Variants in ALG1 observed in about 807,000 individuals in gnomAD.
ALG1 encodes the protein ALG1 chitobiosyldiphosphodolichol beta-mannosyltransferase, also known as chitobiosyldiphosphodolichol beta-mannosyltransferase.
In ALG1, 58 loss-of-function variants were observed where a neutral mutation model predicts 55.1. The ratio of observed to expected loss-of-function variants is 1.05; its 90% confidence interval spans 0.85 to 1.31. The LOEUF (loss-of-function observed/expected upper bound fraction) is 1.31. ALG1 is among the 50% of genes most tolerant of loss of function. The pLI is 0.00. For synonymous variants in ALG1, 309 were observed against 247.0 expected (o/e 1.25, Z -2.35); for missense variants, 761 against 598.6 (o/e 1.27, Z -2.83).
chr16:5,075,554 G>A lies in ALG1; in HGVS notation c.539+18G>A. ...GCCAAGTGGTGAGAGTCTAGGAAGAGGGTAAAATACCGTCCCCTAAACCAC... is the reference window on the plus strand; with the variant it reads ...GCCAAGTGGTGAGAGTCTAGGAAGAAGGTAAAATACCGTCCCCTAAACCAC... On this transcript the variant is annotated intron_variant, in intron 4 of 12. Coordinates refer to ENST00000262374, the MANE Select transcript of ALG1 (RefSeq NM_019109.5). 1.9e-6 allele frequency: 3 copies of A among 1,613,724 alleles called. No individual in the cohort carries two copies. The highest frequency in any genetic ancestry group is 2.5e-6 in the Non-Finnish European group (3 of 1,180,022).
At chr16:5,080,073 CTTTTTTTTT>C (rs34927441) in intron 9 of ALG1, among the ~76,000 whole-genome samples, 1 of 134,608 alleles carries the variant, frequency 7.4e-6, no homozygotes, top group Non-Finnish European at 1.6e-5. Flanking sequence ...TCATTGGTGT[CTTTTTTTTT>C]TTTTTTTGAG....
At chr16:5,081,265 G>A (rs559251792) in intron 10 of ALG1, among the ~76,000 whole-genome samples, 2 of 152,314 alleles carry the variant, frequency 1.3e-5, no homozygotes, top group South Asian at 2.1e-4. Flanking sequence ...AGGAGGCCAC[G>A]TCCTTTCAGC....
chr16:5,079,569 A>G (rs1956980669), intron 8 of ALG1, among the ~76,000 whole-genome samples, 179 bp from the exon 9 acceptor site: 1 of 152,062 alleles, frequency 6.6e-6, no homozygotes, highest in Non-Finnish European at 1.5e-5. Flanking sequence ...GGCGCCTGTC[A>G]TCCCAGCTAC....
intron 11 of ALG1, among the ~76,000 whole-genome samples, 165 bp from the exon 12 acceptor site, chr16:5,083,517 A>G (rs1256555371): frequency 3.3e-5 from 5 of 151,886 alleles, no homozygotes; most frequent in Non-Finnish European, 7.4e-5. Context: ...AGGCCTTTAT[A>G]CCCTTCAGAT....
rs1469384542 is a variant in ALG1 at position 5,085,292 on chromosome 16, G to A, written c.*411G>A. On this transcript the variant is annotated 3_prime_UTR_variant, in exon 13 of 13. Coordinates refer to ENST00000262374, the MANE Select transcript of ALG1 (RefSeq NM_019109.5). ...CCCAGGGATGTGGCAGCTGCAGTGG[G>A]CTTGGCTTTGTGAGGAACTGAGTGT... The A allele has an allele frequency of 4.1e-6, 2 of 489,734 alleles. No individual in the cohort carries two copies. Among genetic ancestry groups the A allele is most frequent in the African/African-American group, 1.9e-5 (1 of 51,478 alleles). The allele number at this position is 489,734 out of a possible 1,614,324, so 30.3% of individuals were successfully genotyped here.
At position 5,086,634 on chromosome 16, in the gene ALG1, T is replaced by G. The variant is rs1340014949; in HGVS notation, c.*1753T>G. On this transcript the variant is annotated 3_prime_UTR_variant, in exon 13 of 13. Transcript: ENST00000262374. ...TTTTTATTTTGTAGAGATGGGGTCC[T>G]GAACGCATGGCCTCAAGTGATGCTC... The G allele has an allele frequency of 1.3e-5, 2 of 151,886 alleles. No homozygotes were observed. The highest frequency in any genetic ancestry group is 1.3e-4 in the Admixed American group (2 of 15,228). 9.4% of individuals were successfully genotyped at this position (151,886 alleles called of 1,614,324 possible).
rs750076157 is a variant in ALG1, at chr16:5,085,597, G to C, written c.*716G>C. ...AAAATTCTTCCCATGAGAGTGACTTGATTCTCACAATCCCGTTGGAGTCGT... is the reference window on the plus strand; with the variant it reads ...AAAATTCTTCCCATGAGAGTGACTTCATTCTCACAATCCCGTTGGAGTCGT... On this transcript the variant is annotated 3_prime_UTR_variant, in exon 13 of 13. Transcript: ENST00000262374. 7.0e-7 allele frequency: 1 copy of C among 1,421,546 alleles called. No homozygotes were observed. Among genetic ancestry groups the C allele is most frequent in the South Asian group, 1.1e-5 (1 of 87,252 alleles). The allele number at this position is 1,421,546 out of a possible 1,614,324, so 88.1% of individuals were successfully genotyped here. A position where few individuals can be genotyped will look rare whatever the true frequency, so the allele number is the denominator to read the frequency against.
intron 12 of ALG1, 90 bp from the exon 13 acceptor site, chr16:5,084,660 T>G: frequency 6.3e-7 from 1 of 1,580,694 alleles, no homozygotes; most frequent in Non-Finnish European, 8.6e-7. Flanking sequence ...GGGTTGTTGT[T>G]GGGTCGGGGA....
In ALG1 at chr16:5,071,871, C is replaced by A; in HGVS notation, c.22C>A (p.Leu8Met). The change falls in exon 1 of 13, where the codon CTG (leucine) becomes ATG (methionine). Residue 8 changes from leucine (L) to methionine (M), a missense_variant. Transcript: ENST00000262374. Reference sequence around the variant, plus strand: ...CAAGATGGCGGCCTCATGCTTGGTCCTGCTGGCGCTGTGTCTGCTGCTGCC... The same window carrying A: ...CAAGATGGCGGCCTCATGCTTGGTCATGCTGGCGCTGTGTCTGCTGCTGCC... MAASCLV[L>M]LALCLLLPLL... 1 of 1,604,638 alleles carries A rather than the reference C, an allele frequency of 6.2e-7. No homozygotes were observed. Among genetic ancestry groups the A allele is most frequent in the Non-Finnish European group, 8.5e-7 (1 of 1,178,120 alleles).
At chr16:5,081,640 C>A (rs1051741600) in intron 10 of ALG1, among the ~76,000 whole-genome samples, 1 of 152,150 alleles carries the variant, frequency 6.6e-6, no homozygotes, top group African/African-American at 2.4e-5. Flanking sequence ...GTTCATGCAA[C>A]CTCTGCCTCC....
intron 4 of ALG1, 78 bp downstream of exon 4, chr16:5,075,614 C>T (rs1956898194): frequency 6.3e-7 from 1 of 1,578,848 alleles, no homozygotes; most frequent in Non-Finnish European, 8.6e-7. Flanking sequence ...CATAGTGGGC[C>T]TCCGGAAGTC....
rs35810648 is a variant in ALG1, at chr16:5,078,098, C to T, written c.740+81C>T. On this transcript the variant is annotated intron_variant, in intron 6 of 12. Coordinates refer to ENST00000262374, the MANE Select transcript of ALG1 (RefSeq NM_019109.5). Reference sequence around the variant, plus strand: ...CCCCTTCTCACTGCAGACCTGGGAACCCACTCATCCAGGGGTTGGCAAACT... The same window carrying T: ...CCCCTTCTCACTGCAGACCTGGGAATCCACTCATCCAGGGGTTGGCAAACT... 6,259 of 1,495,268 alleles carry T rather than the reference C, an allele frequency of 4.2e-3. 16 individuals carry two copies. The highest frequency in any genetic ancestry group is 5.2e-3 in the Non-Finnish European group (5,666 of 1,093,914). 92.6% of individuals were successfully genotyped at this position (1,495,268 alleles called of 1,614,324 possible). A position where few individuals can be genotyped will look rare whatever the true frequency, so the allele number is the denominator to read the frequency against.
At chr16:5,073,553 T>C (rs1956857580) in intron 3 of ALG1, 1 of 452,892 alleles carries the variant, frequency 2.2e-6, no homozygotes, top group South Asian at 2.2e-5. Context: ...AGAACCTGTT[T>C]CTTAAGGTTG....
intron 5 of ALG1, 86 bp downstream of exon 5, chr16:5,077,620 C>T: frequency 7.2e-7 from 1 of 1,379,366 alleles, no homozygotes; most frequent in South Asian, 1.2e-5. Flanking sequence ...CTGCTGCCGT[C>T]CTGCTGAGGG....
rs770587581 is a variant in ALG1 at position 5,080,951 on chromosome 16, G to C, written c.967G>C (p.Gly323Arg). 2.5e-6 allele frequency: 4 copies of C among 1,596,400 alleles called. No individual in the cohort carries two copies. The highest frequency in any genetic ancestry group is 2.5e-6 in the Non-Finnish European group (3 of 1,179,730). ...GTCTGCTCTTCTCTGTGAAGGCAAA[G>C]GGCCTCTGAGGGAGTATTATAGCCG... The part of the protein sequence containing the change: ...PSLVCVITGK[G>R]PLREYYSRLI... Residue 323 changes from glycine to arginine, a missense_variant, in exon 10 of 13, where the codon GGG becomes CGG. Physicochemically the swap from Gly to Arg is moderately radical, Grantham distance 125. Transcript: ENST00000262374.
At chr16:5,079,701 A>T in intron 8 of ALG1, 47 bp from the exon 9 acceptor site, 1 of 1,603,220 alleles carries the variant, frequency 6.2e-7, no homozygotes, top group South Asian at 1.1e-5. Flanking sequence ...AAAAAAAAAA[A>T]TTCTATCAGA....
chr16:5,083,636 G>C (rs188741123), intron 11 of ALG1, 46 bp from the exon 12 acceptor site: 204 of 1,600,134 alleles, frequency 1.3e-4, no homozygotes, highest in Middle Eastern at 1.1e-3. Flanking sequence ...CAGGGGTCTG[G>C]TGTCTTCTAC....
chr16:5,077,932 G>T lies in ALG1; in HGVS notation c.655G>T (p.Ala219Ser), dbSNP rs748038529. Residue 219 changes from alanine (A) to serine (S), a missense_variant, in exon 6 of 13, where the codon GCA becomes TCA. By Grantham distance (99) the Ala-to-Ser change is moderately conservative. Coordinates refer to ENST00000262374, the MANE Select transcript of ALG1 (RefSeq NM_019109.5). ...GGCTGTGACCGTCTACGACAAGCCC[G>T]CATCTTTCTTTAAAGAGACACCTCT... is the stretch of plus-strand genomic sequence containing the variant. ...IRAVTVYDKPASFFKETPLDL... is the reference protein window; with the variant it reads ...IRAVTVYDKPSSFFKETPLDL... 6.2e-7 allele frequency: 1 copy of T among 1,607,686 alleles called. No individual in the cohort carries two copies. The highest frequency in any genetic ancestry group is 1.1e-5 in the South Asian group (1 of 90,988).
intron 3 of ALG1, chr16:5,073,576 T>C: frequency 2.4e-6 from 1 of 425,128 alleles, no homozygotes; most frequent in Non-Finnish European, 4.3e-6. Context: ...CTCATTTAGA[T>C]GAGAAAACCT....
Sources: allele counts gnomAD v4.1 joint callset (sites outside exome capture counted in the v4.1 genomes callset), GRCh38; gene constraint gnomAD v4.1.1; transcripts MANE v1.5; gene names NCBI Gene and HGNC (gene_info 2026-07-23, HGNC 2026-07-21).